APP: variants seen among roughly 807,000 people sequenced by gnomAD.
APP encodes the protein amyloid-beta precursor protein.
In APP, 31 loss-of-function variants were observed where a neutral mutation model predicts 101.4. That is an observed-to-expected ratio of 0.31 (90% CI 0.23 to 0.41). APP has a LOEUF of 0.41. APP is among the 10% of genes least tolerant of loss of function. The probability of loss-of-function intolerance (pLI) is 1.00; values close to 1 mark genes in which losing one functional copy is unlikely to be tolerated. For synonymous variants in APP, 366 were observed against 364.4 expected (o/e 1.00, Z -0.05); for missense variants, 839 against 1,003.7 (o/e 0.84, Z 2.22).
At chr21:25,914,630 T>G (rs900464298) in intron 13 of APP, among the ~76,000 whole-genome samples, 1 of 142,852 alleles carries the variant, frequency 7.0e-6, no homozygotes, top group African/African-American at 2.7e-5. Flanking sequence ...CTCGGCTCAC[T>G]GCAAGCTCCG....
In APP at chr21:25,998,811, T is replaced by C. The variant is rs140921683; in HGVS notation, c.1033+1204A>G. On this transcript the variant is annotated intron_variant, in intron 7 of 17. Coordinates refer to ENST00000346798, the MANE Select transcript of APP (RefSeq NM_000484.4). ...AACAACAAATAAATAAATAAATAAA[T>C]AAATAAGCACAATTGGGAATTTCAC... 4.9e-3 allele frequency among the ~76,000 whole-genome samples: 747 copies of C among 152,154 alleles called. 7 individuals are homozygous for C. The highest frequency in any genetic ancestry group is 0.017 in the African/African-American group (721 of 41,496).
At chr21:26,150,606 C>CAGACAGATAGATAGATAGATAGAT (rs2063246802) in intron 1 of APP, among the ~76,000 whole-genome samples, 1 of 148,576 alleles carries the variant, frequency 6.7e-6, no homozygotes, top group African/African-American at 2.5e-5. Flanking sequence ...TCTAGATAGA[C>CAGACAGATAGATAGATAGATAGAT]AGATAGATAG....
chr21:26,131,465 TG>T (rs1340483015), intron 1 of APP, among the ~76,000 whole-genome samples: 1 of 152,202 alleles, frequency 6.6e-6, no homozygotes, highest in African/African-American at 2.4e-5. Context: ...ATATATTTGT[TG>T]GCTCTTTTTA....
chr21:26,001,481 A>C (rs2043292106), intron 6 of APP, among the ~76,000 whole-genome samples: 1 of 152,180 alleles, frequency 6.6e-6, no homozygotes. Context: ...CGCATCACCC[A>C]TTACTTCCAA....
chr21:25,977,104 G>C (rs1042241565), intron 9 of APP, among the ~76,000 whole-genome samples: 3 of 152,194 alleles, frequency 2.0e-5, no homozygotes, highest in Non-Finnish European at 4.4e-5. Context: ...GATATCAGGT[G>C]AATGTGTTTT....
chr21:26,123,785 T>G (rs1215583239), intron 1 of APP, among the ~76,000 whole-genome samples: 2 of 152,174 alleles, frequency 1.3e-5, no homozygotes, highest in Admixed American at 1.3e-4. Flanking sequence ...TACTCTTGGA[T>G]GTAATGTTAC....
At chr21:25,894,771 C>T (rs2037921976) in intron 16 of APP, among the ~76,000 whole-genome samples, 1 of 152,208 alleles carries the variant, frequency 6.6e-6, no homozygotes, top group Non-Finnish European at 1.5e-5. Flanking sequence ...ATCACATAAA[C>T]TCGATGAAGC....
At chr21:25,912,082 T>A in intron 13 of APP, 120 bp from the exon 14 acceptor site, 1 of 777,610 alleles carries the variant, frequency 1.3e-6, no homozygotes, top group South Asian at 1.5e-5. Context: ...CATGATCGCG[T>A]TTAGAGCCAT....
chr21:25,931,349 T>C (rs1055194847), intron 13 of APP, among the ~76,000 whole-genome samples: 1 of 152,154 alleles, frequency 6.6e-6, no homozygotes, highest in African/African-American at 2.4e-5. Context: ...GCTGCTGTGG[T>C]ACAAGGGAAG....
At chr21:26,097,793 T>C (rs774696636) in intron 2 of APP, among the ~76,000 whole-genome samples, 2 of 151,788 alleles carry the variant, frequency 1.3e-5, no homozygotes, top group Non-Finnish European at 2.9e-5. Context: ...ATTTTAAGAG[T>C]GCATAGGCCG....
At chr21:25,999,078 G>T (rs1176635416) in intron 7 of APP, among the ~76,000 whole-genome samples, 1 of 152,198 alleles carries the variant, frequency 6.6e-6, no homozygotes, top group Non-Finnish European at 1.5e-5. Flanking sequence ...ATCACTTGAG[G>T]TCAGGAGTTC....
intron 8 of APP, among the ~76,000 whole-genome samples, chr21:25,994,453 G>A (rs2042979223): frequency 6.6e-6 from 1 of 152,080 alleles, no homozygotes; most frequent in Admixed American, 6.5e-5. Context: ...AAATTGCAAT[G>A]CTCAAAATTG....
chr21:25,884,094 G>T (rs2037167828), intron 17 of APP, among the ~76,000 whole-genome samples: 2 of 152,154 alleles, frequency 1.3e-5, no homozygotes, highest in Non-Finnish European at 2.9e-5. Context: ...GGCCATGCTG[G>T]TCTCAAACTG....
chr21:26,022,544 T>C (rs1250734323), intron 5 of APP, among the ~76,000 whole-genome samples: 1 of 152,086 alleles, frequency 6.6e-6, no homozygotes, highest in Non-Finnish European at 1.5e-5. Context: ...CGTACCATAC[T>C]AAGGCAAAAT....
At chr21:25,924,604 G>A (rs2039802535) in intron 13 of APP, among the ~76,000 whole-genome samples, 2 of 151,756 alleles carry the variant, frequency 1.3e-5, no homozygotes, top group South Asian at 4.2e-4. Context: ...ATACACCAGG[G>A]CCTGTCCAGG....
At chr21:26,046,271 G>T (rs921117093) in intron 5 of APP, among the ~76,000 whole-genome samples, 1 of 151,994 alleles carries the variant, frequency 6.6e-6, no homozygotes, top group African/African-American at 2.4e-5. Context: ...TTAGCTGGGT[G>T]TGGTGGTGAA....
At chr21:25,954,826 G>T in intron 12 of APP, 137 bp from the exon 13 acceptor site, 2 of 716,152 alleles carry the variant, frequency 2.8e-6, no homozygotes, top group South Asian at 1.7e-5. Context: ...AGCACTGCAG[G>T]TAGATACAAA....
intron 1 of APP, among the ~76,000 whole-genome samples, chr21:26,130,281 G>A (rs1433638977): frequency 6.6e-6 from 1 of 152,186 alleles, no homozygotes; most frequent in African/African-American, 2.4e-5. Flanking sequence ...AGTTATTCAC[G>A]TTTTATTTAG....
intron 3 of APP, among the ~76,000 whole-genome samples, chr21:26,083,764 C>T (rs1327494009): frequency 1.3e-5 from 2 of 152,136 alleles, no homozygotes; most frequent in Non-Finnish European, 2.9e-5. Flanking sequence ...AAATTCTGTG[C>T]TTCAAGAAAA....
Sources: gnomAD v4.1 joint callset for allele counts (sites outside exome capture counted in the v4.1 genomes callset) on GRCh38, gnomAD v4.1.1 for gene constraint, MANE v1.5 for transcripts, NCBI Gene and HGNC (gene_info 2026-07-23, HGNC 2026-07-21) for gene names.